The following EPHA6 variants were observed in gnomAD, a reference collection of about 807,000 sequenced individuals.
The protein encoded by EPHA6 is EPH receptor A6, also known as ephrin type-A receptor 6.
EPHA6 carries 50 observed loss-of-function variants against 112.0 expected under a neutral mutation model. That is an observed-to-expected ratio of 0.45 (90% CI 0.36 to 0.56). The LOEUF (loss-of-function observed/expected upper bound fraction) is 0.56, where lower values mean the gene tolerates loss of function less well. Among genes scored for constraint, EPHA6 ranks in the 20% least tolerant of loss-of-function variants. The pLI is 0.00. For missense variants in EPHA6, 1,280 were observed against 1,417.4 expected, an observed-to-expected ratio of 0.90 and a Z score of 1.56; for synonymous variants, 529 against 490.7, an observed-to-expected ratio of 1.08 and a Z score of -1.03.
At chr3:97,324,441 C>CTTTCT in intron 5 of EPHA6, among the ~76,000 whole-genome samples, 1 of 146,234 alleles carries the variant, frequency 6.8e-6, no homozygotes, top group African/African-American at 2.6e-5. Flanking sequence ...TTCTTTCTTT[C>CTTTCT]TTTCTTTCTT....
chr3:97,732,946 T>G (rs1379035975), intron 15 of EPHA6, among the ~76,000 whole-genome samples: 2 of 151,946 alleles, frequency 1.3e-5, no homozygotes, highest in African/African-American at 4.8e-5. Flanking sequence ...ATTGAGGAAA[T>G]TTATAAGCCA....
chr3:96,840,871 A>G (rs1017312237), intron 1 of EPHA6, among the ~76,000 whole-genome samples: 8 of 152,098 alleles, frequency 5.3e-5, no homozygotes, highest in Admixed American at 4.6e-4. Context: ...AAATCTATTC[A>G]TTTTTGTTTT....
chr3:97,273,793 T>G (rs1404843951), intron 5 of EPHA6, among the ~76,000 whole-genome samples: 4 of 152,108 alleles, frequency 2.6e-5, no homozygotes, highest in Non-Finnish European at 5.9e-5. Context: ...ACCAAGGAAT[T>G]ATGTCTGACA....
chr3:97,691,689 C>T (rs1178229867), intron 14 of EPHA6, among the ~76,000 whole-genome samples: 1 of 152,092 alleles, frequency 6.6e-6, no homozygotes, highest in East Asian at 1.9e-4. Flanking sequence ...ACTCTAATAA[C>T]CCTAACACCC....
intron 3 of EPHA6, among the ~76,000 whole-genome samples, chr3:97,127,316 G>C (rs376653769): frequency 6.6e-6 from 1 of 152,088 alleles, no homozygotes; most frequent in Non-Finnish European, 1.5e-5. Flanking sequence ...TTTCCTCCAG[G>C]TATAGGGTGG....
intron 3 of EPHA6, among the ~76,000 whole-genome samples, chr3:97,000,287 A>ACACACATATATAGC (rs1553685570): frequency 5.4e-5 from 8 of 147,102 alleles, no homozygotes; most frequent in African/African-American, 1.5e-4. Flanking sequence ...ACACACACAC[A>ACACACATATATAGC]CACACATATA....
intron 15 of EPHA6, among the ~76,000 whole-genome samples, chr3:97,727,032 C>T (rs2034802493): frequency 6.6e-6 from 1 of 151,964 alleles, no homozygotes; most frequent in Non-Finnish European, 1.5e-5. Context: ...TAAAAATCAC[C>T]TTGAAGCACT....
At chr3:97,298,626 A>G (rs1448961126) in intron 5 of EPHA6, among the ~76,000 whole-genome samples, 2 of 152,198 alleles carry the variant, frequency 1.3e-5, no homozygotes, top group East Asian at 3.8e-4. Context: ...ATTACCAAAT[A>G]TATAAGACAG....
intron 16 of EPHA6, among the ~76,000 whole-genome samples, chr3:97,738,196 A>G (rs1286077614): frequency 6.6e-6 from 1 of 151,998 alleles, no homozygotes; most frequent in Admixed American, 6.6e-5. Context: ...GATGAGAAAG[A>G]AAAGTAGTTA....
At chr3:97,122,943 CTGTT>C (rs2048084325) in intron 3 of EPHA6, among the ~76,000 whole-genome samples, 1 of 151,900 alleles carries the variant, frequency 6.6e-6, no homozygotes, top group Admixed American at 6.6e-5. Flanking sequence ...TATAATAACA[CTGTT>C]TTGTTTAGAT....
chr3:97,705,690 T>C (rs1350627322), intron 14 of EPHA6, among the ~76,000 whole-genome samples: 2 of 152,024 alleles, frequency 1.3e-5, no homozygotes, highest in African/African-American at 4.8e-5. Flanking sequence ...AGCGTATAGA[T>C]TAAAATAAGA....
intron 5 of EPHA6, among the ~76,000 whole-genome samples, chr3:97,370,160 A>G (rs1427873152): frequency 6.6e-6 from 1 of 152,156 alleles, no homozygotes; most frequent in Non-Finnish European, 1.5e-5. Context: ...ACTTGTGATA[A>G]CTGAATGGTT....
intron 13 of EPHA6, among the ~76,000 whole-genome samples, chr3:97,627,477 A>G (rs1309546109): frequency 6.6e-6 from 1 of 151,824 alleles, no homozygotes; most frequent in East Asian, 1.9e-4. Context: ...CCTGAGAGAA[A>G]ATATTCCAGG....
chr3:97,600,453 T>G (rs990099011), intron 12 of EPHA6, among the ~76,000 whole-genome samples: 1 of 151,778 alleles, frequency 6.6e-6, no homozygotes, highest in African/African-American at 2.4e-5. Flanking sequence ...CAATACCTAA[T>G]TTATTGAGAG....
intron 2 of EPHA6, among the ~76,000 whole-genome samples, chr3:96,969,388 A>G (rs1379722221): frequency 6.6e-6 from 1 of 151,930 alleles, no homozygotes; most frequent in African/African-American, 2.4e-5. Flanking sequence ...ATGATCGTGG[A>G]TATAATTTCT....
At chr3:97,576,218 G>A (rs1221127341) in intron 11 of EPHA6, among the ~76,000 whole-genome samples, 2 of 152,140 alleles carry the variant, frequency 1.3e-5, no homozygotes, top group Non-Finnish European at 2.9e-5. Context: ...TTAATGGCAA[G>A]TGAGTTCTAT....
At chr3:97,675,710 T>C (rs2031310668) in intron 14 of EPHA6, among the ~76,000 whole-genome samples, 1 of 152,162 alleles carries the variant, frequency 6.6e-6, no homozygotes, top group Non-Finnish European at 1.5e-5. Context: ...AATTTTTCCA[T>C]CAGATCTTTT....
At chr3:97,380,899 T>C (rs1422619080) in intron 5 of EPHA6, among the ~76,000 whole-genome samples, 1 of 152,166 alleles carries the variant, frequency 6.6e-6, no homozygotes, top group East Asian at 1.9e-4. Context: ...TTATCTATAA[T>C]GTATTAGTTT....
chr3:97,297,654 A>C (rs556325667), intron 5 of EPHA6, among the ~76,000 whole-genome samples: 1 of 152,352 alleles, frequency 6.6e-6, no homozygotes, highest in Non-Finnish European at 1.5e-5. Context: ...ATTAACTATA[A>C]AGCATTATAT....
Sources: gnomAD v4.1 joint callset for allele counts (sites outside exome capture counted in the v4.1 genomes callset) on GRCh38, gnomAD v4.1.1 for gene constraint, MANE v1.5 for transcripts, NCBI Gene and HGNC (gene_info 2026-07-23, HGNC 2026-07-21) for gene names.